The following USP29 variants were observed in gnomAD, a reference collection of about 807,000 sequenced individuals.
The protein encoded by USP29 is ubiquitin specific peptidase 29.
For missense variants in USP29, 1,102 were observed against 1,069.0 expected (o/e 1.03, Z -0.43); for synonymous variants, 386 against 387.4 (o/e 1.00, Z 0.04).
intron 1 of USP29, among the ~76,000 whole-genome samples, chr19:57,121,258 T>A (rs73623808): frequency 0.079 from 11,560 of 146,830 alleles, 558 homozygotes; most frequent in East Asian, 0.16. Context: ...AGGATATATA[T>A]GTTATATATA....
intron 3 of USP29, among the ~76,000 whole-genome samples, chr19:57,127,826 A>C (rs916472606): frequency 2.0e-5 from 3 of 151,366 alleles, no homozygotes; most frequent in Non-Finnish European, 4.4e-5. Flanking sequence ...ACTGGTGTAC[A>C]AAAAAAAATC....
intron 1 of USP29, among the ~76,000 whole-genome samples, chr19:57,121,411 CTTATATG>C (rs906344317): frequency 8.2e-5 from 11 of 134,888 alleles, no homozygotes; most frequent in Admixed American, 3.0e-4. Context: ...GTTATACATA[CTTATATG>C]TTATATATAC....
At position 57,129,332 on chromosome 19, in the gene USP29, T is replaced by A; in HGVS notation, c.657T>A (p.Asp219Glu). The A allele has an allele frequency of 1.2e-6, 2 of 1,614,180 alleles. No individual in the cohort carries two copies. Among genetic ancestry groups the A allele is most frequent in the Non-Finnish European group, 1.7e-6 (2 of 1,180,026 alleles). Residue 219 changes from aspartate to glutamate, a missense_variant, in exon 4 of 4, where the codon GAT (aspartate) becomes GAA (glutamate). Coordinates refer to ENST00000254181, the MANE Select transcript of USP29 (RefSeq NM_020903.3). ...CAAGTTTAGAGGATTTAGAAAAAGATAGAGATTTGAAACTCGGGCCTTCAT... is the reference window on the plus strand; with the variant it reads ...CAAGTTTAGAGGATTTAGAAAAAGAAAGAGATTTGAAACTCGGGCCTTCAT... ...NPSSLEDLEK[D>E]RDLKLGPSFN...
intron 1 of USP29, 187 bp downstream of exon 1, chr19:57,120,416 G>C (rs1037593997): frequency 4.6e-5 from 7 of 152,490 alleles, no homozygotes; most frequent in African/African-American, 1.4e-4. Context: ...CTTGGGGATC[G>C]AGGGTGTAGT....
In USP29 at chr19:57,130,165, G is replaced by A. The variant is rs2146955085; in HGVS notation, c.1490G>A (p.Arg497Lys). The A allele has an allele frequency of 1.2e-6, 2 of 1,614,034 alleles. No individual in the cohort carries two copies. Among genetic ancestry groups the A allele is most frequent in the Non-Finnish European group, 1.7e-6 (2 of 1,180,006 alleles). The change falls in exon 4 of 4, where the codon AGG becomes AAG. Residue 497 changes from arginine (R) to lysine (K), a missense_variant. Physicochemically the swap from Arg to Lys is conservative, Grantham distance 26. Transcript: ENST00000254181. The stretch of plus-strand genomic sequence containing the variant: ...TGTAAGCAGAAGAGTTGTGTTGCAA[G>A]GCATACATTTAGTAGGCTCTCCAGG... ...QMCKQKSCVA[R>K]HTFSRLSRVL...
Position 57,128,713 on chromosome 19 carries a change from G to A in USP29, c.38G>A (p.Trp13Ter), listed in dbSNP as rs1414626786. 1 of 1,602,794 alleles carries A rather than the reference G, an allele frequency of 6.2e-7. No homozygotes were observed. The highest frequency in any genetic ancestry group is 8.5e-7 in the Non-Finnish European group (1 of 1,176,990). The change falls in exon 4 of 4, where the codon TGG becomes TAG. Residue 13 changes from tryptophan (W) to a stop codon, truncating the protein, a stop_gained. Coordinates refer to ENST00000254181, the MANE Select transcript of USP29 (RefSeq NM_020903.3). LOFTEE classifies it low-confidence loss of function (END_TRUNC). Reference sequence around the variant, plus strand: ...AAGGTATGTGGATTCATCCAAATTTGGAGCCAGAAGACTGGGATGACTAAG... The same window carrying A: ...AAGGTATGTGGATTCATCCAAATTTAGAGCCAGAAGACTGGGATGACTAAG... ...SLKVCGFIQI[W>*]SQKTGMTKLK...
intron 3 of USP29, among the ~76,000 whole-genome samples, chr19:57,126,413 T>C (rs1371040464): frequency 6.6e-6 from 1 of 152,140 alleles, no homozygotes; most frequent in Non-Finnish European, 1.5e-5. Context: ...GTAGGTTTGG[T>C]CTTTTCACAT....
Position 57,131,725 on chromosome 19 carries a change from G to C in USP29, c.*281G>C. 1 of 408,104 alleles carries C rather than the reference G, an allele frequency of 2.5e-6. No homozygotes were observed. The highest frequency in any genetic ancestry group is 4.5e-6 in the Non-Finnish European group (1 of 224,488). The allele number at this position is 408,104 out of a possible 1,614,324, so 25.3% of individuals were successfully genotyped here. A position where few individuals can be genotyped will look rare whatever the true frequency, so the allele number is the denominator to read the frequency against. Reference sequence around the variant, plus strand: ...TGTTCTTCAACCAGCAACAGCAACAGCTAGGGACTGATTAGAAATGCAAAT... The same window carrying C: ...TGTTCTTCAACCAGCAACAGCAACACCTAGGGACTGATTAGAAATGCAAAT... On this transcript the variant is annotated 3_prime_UTR_variant, in exon 4 of 4. Coordinates refer to ENST00000254181, the MANE Select transcript of USP29 (RefSeq NM_020903.3).
intron 2 of USP29, among the ~76,000 whole-genome samples, chr19:57,123,751 G>T (rs1280463357): frequency 1.3e-5 from 2 of 152,184 alleles, no homozygotes; most frequent in Non-Finnish European, 2.9e-5. Context: ...AGAAGGTCTT[G>T]TTGTGGCAGA....
chr19:57,119,882 C>T (rs1190000143), upstream of USP29, among the ~76,000 whole-genome samples: 1 of 152,178 alleles, frequency 6.6e-6, no homozygotes, highest in East Asian at 1.9e-4. Context: ...CAGCTCTAGG[C>T]CAGGAACTCT....
In USP29 at chr19:57,121,755, G is replaced by A. The variant is rs533621652; in HGVS notation, c.-267-570G>A. ...TAATTATATATATATAAAACAAAAA[G>A]CACGGTTACTACAAAGAAAACAGGT... On this transcript the variant is annotated intron_variant, in intron 1 of 3. Coordinates refer to ENST00000254181, the MANE Select transcript of USP29 (RefSeq NM_020903.3). Among the ~76,000 whole-genome samples the A allele has an allele frequency of 8.8e-5, 13 of 147,398 alleles. No homozygotes were observed. In the East Asian group the frequency reaches 2.5e-3, roughly 29 times the overall value.
chr19:57,129,282 A>G lies in USP29; in HGVS notation c.607A>G (p.Ile203Val). Residue 203 changes from isoleucine (I) to valine (V), a missense_variant, in exon 4 of 4, where the codon ATA becomes GTA. Ile to Val is a conservative substitution (Grantham distance 29). Transcript: ENST00000254181. The part of the protein sequence containing the change: ...KKYKTDSLKY[I>V]QSNRKNPSSL... ...ATATAAGACAGATTCCTTGAAATAT[A>G]TACAAAGCAATAGGAAGAACCCATC... 6.2e-7 allele frequency: 1 copy of G among 1,613,920 alleles called. No individual in the cohort carries two copies. Among genetic ancestry groups the G allele is most frequent in the South Asian group, 1.1e-5 (1 of 91,014 alleles).
At position 57,130,333 on chromosome 19, in the gene USP29, G is replaced by C; in HGVS notation, c.1658G>C (p.Ser553Thr). 6.2e-7 allele frequency: 1 copy of C among 1,614,120 alleles called. No individual in the cohort carries two copies. Among genetic ancestry groups the C allele is most frequent in the East Asian group, 2.2e-5 (1 of 44,878 alleles). ...ESTKPPLPLSSSAPVGKCEVL... is the reference protein window; with the variant it reads ...ESTKPPLPLSTSAPVGKCEVL... ...ACCAAACCACCTCTTCCCTTGAGCA[G>C]TAGTGCACCTGTTGGGAAATGTGAA... Residue 553 changes from serine (S) to threonine (T), a missense_variant, in exon 4 of 4, where the codon AGT (serine) becomes ACT (threonine). Physicochemically the swap from Ser to Thr is moderately conservative, Grantham distance 58. Coordinates refer to ENST00000254181, the MANE Select transcript of USP29 (RefSeq NM_020903.3).
In USP29 at chr19:57,131,359, C is replaced by T. The variant is rs2086859684; in HGVS notation, c.2684C>T (p.Ala895Val). Reference sequence around the variant, plus strand: ...ATTTTTGAGGAGCTGTTAAGAAAAGCAGAGAACTCTCGGCTACCTAGCACA... The same window carrying T: ...ATTTTTGAGGAGCTGTTAAGAAAAGTAGAGAACTCTCGGCTACCTAGCACA... ...NGIFEELLRKAENSRLPSTQA... is the reference protein window; with the variant it reads ...NGIFEELLRKVENSRLPSTQA... Residue 895 changes from alanine to valine, a missense_variant, in exon 4 of 4, where the codon GCA (alanine) becomes GTA (valine). Physicochemically the swap from Ala to Val is moderately conservative, Grantham distance 64. Transcript: ENST00000254181. 1 of 1,614,130 alleles carries T rather than the reference C, an allele frequency of 6.2e-7. No individual in the cohort carries two copies.
rs1456583346 is a variant in USP29 at position 57,129,508 on chromosome 19, C to T, written c.833C>T (p.Ser278Phe). 1.9e-6 allele frequency: 3 copies of T among 1,614,192 alleles called. No homozygotes were observed. In the East Asian group the frequency reaches 6.7e-5, roughly 36 times the overall value. ...AACAAAGCCCAGGTGCCTCTTGACT[C>T]TCATTCACAGCAACTGCAGCAGGGG... ...RCNKAQVPLDSHSQQLQQGFP... is the reference protein window; with the variant it reads ...RCNKAQVPLDFHSQQLQQGFP... Residue 278 changes from serine (S) to phenylalanine (F), a missense_variant, in exon 4 of 4, where the codon TCT (serine) becomes TTT (phenylalanine). Physicochemically the swap from Ser to Phe is radical, Grantham distance 155. Transcript: ENST00000254181.
In USP29 at chr19:57,131,100, GA is replaced by G. The variant is rs1318725575; in HGVS notation, c.2427del (p.Glu809AspfsTer2). 1.2e-6 allele frequency: 2 copies of G among 1,614,144 alleles called. No homozygotes were observed. The highest frequency in any genetic ancestry group is 1.7e-6 in the Non-Finnish European group (2 of 1,180,032). ...AGAGAACACAAGAGGTGAAGCCAAG[GA>G]ACTAACAAGAAACGTGAAGATGGGG... ...DAENTRGEAKELTRNVKMGDP... is the reference protein window; with the variant it reads ...DAENTRGEAKXLTRNVKMGDP... On this transcript the variant is annotated frameshift_variant, in exon 4 of 4. Coordinates refer to ENST00000254181, the MANE Select transcript of USP29 (RefSeq NM_020903.3). LOFTEE classifies it low-confidence loss of function (END_TRUNC).
At chr19:57,121,637 TATATGTTATATATACTTAC>T (rs1270752413) in intron 1 of USP29, among the ~76,000 whole-genome samples, 16 of 147,110 alleles carry the variant, frequency 1.1e-4, no homozygotes, top group Middle Eastern at 3.6e-3. Flanking sequence ...TATATATGCT[TATATGTTATATATACTTAC>T]ATATGTTATA....
chr19:57,129,836 C>T lies in USP29; in HGVS notation c.1161C>T (p.Asp387=). The change falls in exon 4 of 4, where the codon GAC becomes GAT. Residue 387 remains aspartate, a synonymous_variant. Coordinates refer to ENST00000254181, the MANE Select transcript of USP29 (RefSeq NM_020903.3). ...LGQCLDQLKE[D]MEKLNATLNT... ...AGTGTTTAGACCAGCTGAAAGAAGA[C>T]ATGGAAAAATTAAATGCCACTTTGA... The T allele has an allele frequency of 6.2e-7, 1 of 1,614,112 alleles. No homozygotes were observed. The highest frequency in any genetic ancestry group is 8.5e-7 in the Non-Finnish European group (1 of 1,180,016).
At position 57,127,966 on chromosome 19, in the gene USP29, G is replaced by T. The variant is rs143443591; in HGVS notation, c.-16-694G>T. On this transcript the variant is annotated intron_variant, in intron 3 of 3. Transcript: ENST00000254181. ...AGATTGCAAAAACTGTGGGAAAAGC[G>T]TAGTAACCGGGCGAGTAGCATAGTT... Among the ~76,000 whole-genome samples the T allele has an allele frequency of 4.6e-3, 698 of 152,322 alleles. 6 individuals carry two copies. Among genetic ancestry groups the T allele is most frequent in the Non-Finnish European group, 8.1e-3 (552 of 68,024 alleles).
Sources: gnomAD v4.1 joint callset for allele counts (sites outside exome capture counted in the v4.1 genomes callset) on GRCh38, gnomAD v4.1.1 for gene constraint, MANE v1.5 for transcripts, NCBI Gene and HGNC (gene_info 2026-07-23, HGNC 2026-07-21) for gene names.